Variants in CHCHD3 observed in about 807,000 individuals in gnomAD.
CHCHD3 encodes coiled-coil-helix-coiled-coil-helix domain containing 3, also known as MICOS complex subunit MIC19.
In CHCHD3, 20 loss-of-function variants were observed where a neutral mutation model predicts 38.2. The observed-to-expected ratio is 0.52, with a 90% CI of 0.37 to 0.76. The LOEUF (loss-of-function observed/expected upper bound fraction) is 0.76, where lower values mean the gene tolerates loss of function less well. Among genes scored for constraint, CHCHD3 ranks in the 30% least tolerant of loss-of-function variants. The pLI, the probability that CHCHD3 is intolerant of heterozygous loss-of-function variation, is 0.00. For synonymous variants in CHCHD3, 82 were observed against 100.0 expected, an observed-to-expected ratio of 0.82 and a Z score of 1.07; for missense variants, 245 against 279.2, an observed-to-expected ratio of 0.88 and a Z score of 0.87.
chr7:132,844,180 C>A lies in CHCHD3; in HGVS notation c.454-5711G>T, dbSNP rs568373069. On this transcript the variant is annotated intron_variant, in intron 5 of 7. Coordinates refer to ENST00000262570, the MANE Select transcript of CHCHD3 (RefSeq NM_017812.4). ...AGCTGTGGTTGCGGGTACCTGTAGT[C>A]CCTGCTACTCGGCTGGCTGAGGTAT... Among the ~76,000 whole-genome samples the A allele has an allele frequency of 2.6e-3, 397 of 152,270 alleles. 4 individuals carry two copies. The highest frequency in any genetic ancestry group is 9.1e-3 in the African/African-American group (378 of 41,550).
intron 7 of CHCHD3, among the ~76,000 whole-genome samples, chr7:132,794,514 C>T (rs1162626750): frequency 1.3e-5 from 2 of 152,106 alleles, no homozygotes; most frequent in Non-Finnish European, 2.9e-5. Flanking sequence ...TCTTGGTTCT[C>T]GTCCATTTCA....
intron 4 of CHCHD3, among the ~76,000 whole-genome samples, chr7:132,953,126 G>A (rs1208430695): frequency 6.6e-6 from 1 of 152,116 alleles, no homozygotes; most frequent in Non-Finnish European, 1.5e-5. Flanking sequence ...CTCAGTGATA[G>A]CTAGTCTATA....
At chr7:133,019,689 A>G (rs2117431856) in intron 3 of CHCHD3, among the ~76,000 whole-genome samples, 1 of 152,322 alleles carries the variant, frequency 6.6e-6, no homozygotes, top group South Asian at 2.1e-4. Flanking sequence ...AACATCAAGC[A>G]GCCATTCCCT....
intron 3 of CHCHD3, among the ~76,000 whole-genome samples, chr7:133,009,530 G>T (rs1469638623): frequency 1.5e-5 from 2 of 134,808 alleles, no homozygotes; most frequent in Non-Finnish European, 3.3e-5. Flanking sequence ...GATCTCTCAG[G>T]TTACGACAAA....
intron 5 of CHCHD3, among the ~76,000 whole-genome samples, chr7:132,862,021 G>A (rs1174158582): frequency 6.6e-6 from 1 of 151,968 alleles, no homozygotes. Context: ...TAAGAAAAAG[G>A]AATCATGTCT....
intron 6 of CHCHD3, among the ~76,000 whole-genome samples, chr7:132,805,602 C>G (rs138504047): frequency 2.9e-4 from 44 of 152,248 alleles, no homozygotes; most frequent in African/African-American, 1.0e-3. Flanking sequence ...TGACAAGCCA[C>G]TGGCCTTTCT....
intron 6 of CHCHD3, among the ~76,000 whole-genome samples, chr7:132,820,820 C>T (rs1439171367): frequency 1.3e-5 from 2 of 151,970 alleles, no homozygotes; most frequent in African/African-American, 4.8e-5. Context: ...TCAGTATACA[C>T]TACCAACCTA....
chr7:132,984,403 CG>C, intron 3 of CHCHD3, among the ~76,000 whole-genome samples: 1 of 151,290 alleles, frequency 6.6e-6, no homozygotes, highest in Admixed American at 6.6e-5. Flanking sequence ...GGCGTGATCT[CG>C]GCTCGCTACA....
chr7:132,821,388 A>G (rs532420910), intron 6 of CHCHD3, among the ~76,000 whole-genome samples: 1 of 152,230 alleles, frequency 6.6e-6, no homozygotes, highest in Non-Finnish European at 1.5e-5. Flanking sequence ...GGTCTACTGA[A>G]TGATGTGAAG....
chr7:132,801,776 C>G (rs1276463006), intron 6 of CHCHD3, among the ~76,000 whole-genome samples: 1 of 152,152 alleles, frequency 6.6e-6, no homozygotes, highest in African/African-American at 2.4e-5. Flanking sequence ...TCCTATAAAC[C>G]CAAGGTTTGA....
chr7:132,790,070 T>C (rs1005926594), intron 7 of CHCHD3, among the ~76,000 whole-genome samples: 1 of 152,214 alleles, frequency 6.6e-6, no homozygotes, highest in Non-Finnish European at 1.5e-5. Context: ...TACCTGGAAA[T>C]CTGATTAGAT....
intron 5 of CHCHD3, among the ~76,000 whole-genome samples, chr7:132,864,140 C>T (rs934769308): frequency 6.6e-6 from 1 of 152,168 alleles, no homozygotes; most frequent in African/African-American, 2.4e-5. Context: ...TGCACATATC[C>T]TTCTCATTAA....
At chr7:132,918,054 T>C (rs1021378995) in intron 4 of CHCHD3, among the ~76,000 whole-genome samples, 4 of 152,270 alleles carry the variant, frequency 2.6e-5, no homozygotes, top group East Asian at 1.9e-4. Context: ...ATTTTGTCTA[T>C]ATTCTCTGCA....
chr7:133,003,602 T>C (rs563391757), intron 3 of CHCHD3, among the ~76,000 whole-genome samples: 65 of 152,326 alleles, frequency 4.3e-4, no homozygotes, highest in African/African-American at 1.4e-3. Context: ...ATACCAATTT[T>C]ACTTCTTTTT....
At chr7:132,860,474 A>G (rs1408007303) in intron 5 of CHCHD3, among the ~76,000 whole-genome samples, 1 of 152,106 alleles carries the variant, frequency 6.6e-6, no homozygotes, top group Non-Finnish European at 1.5e-5. Flanking sequence ...TTCTTACACC[A>G]TCTTATATCC....
At chr7:133,045,222 G>A (rs948162317) in intron 2 of CHCHD3, among the ~76,000 whole-genome samples, 2 of 152,166 alleles carry the variant, frequency 1.3e-5, no homozygotes, top group South Asian at 4.1e-4. Context: ...AGGTAAGGAT[G>A]GAAGCAACTA....
intron 6 of CHCHD3, among the ~76,000 whole-genome samples, chr7:132,822,773 C>T (rs545586069): frequency 7.9e-5 from 12 of 152,186 alleles, no homozygotes; most frequent in South Asian, 4.2e-4. Context: ...GAGTTTGTTT[C>T]GCTGCAGCCT....
chr7:133,010,682 G>A (rs1054926059), intron 3 of CHCHD3, among the ~76,000 whole-genome samples: 3 of 152,098 alleles, frequency 2.0e-5, no homozygotes, highest in Admixed American at 1.3e-4. Context: ...AGGTTCAAGC[G>A]ATTCTCGTGC....
chr7:133,014,507 A>C (rs1453931687), intron 3 of CHCHD3, among the ~76,000 whole-genome samples: 1 of 151,932 alleles, frequency 6.6e-6, no homozygotes, highest in Non-Finnish European at 1.5e-5. Flanking sequence ...CCAGCAGCTA[A>C]GTTTTTAATT....
Sources: allele counts gnomAD v4.1 joint callset (sites outside exome capture counted in the v4.1 genomes callset), GRCh38; gene constraint gnomAD v4.1.1; transcripts MANE v1.5; gene names NCBI Gene and HGNC (gene_info 2026-07-23, HGNC 2026-07-21).